CTIF: variants seen among roughly 807,000 people sequenced by gnomAD.
The protein encoded by CTIF is cap binding complex dependent translation initiation factor.
In CTIF, 21 loss-of-function variants were observed where a neutral mutation model predicts 66.0. That is an observed-to-expected ratio of 0.32 (90% confidence interval 0.23 to 0.46). The LOEUF (loss-of-function observed/expected upper bound fraction) is 0.46, where lower values mean the gene tolerates loss of function less well. CTIF is among the 20% of genes least tolerant of loss of function. CTIF has a pLI of 1.00. For synonymous variants in CTIF, 345 were observed against 326.4 expected (o/e 1.06, Z -0.62); for missense variants, 739 against 812.7 (o/e 0.91, Z 1.10).
At chr18:48,720,755 C>T (rs1256150471) in intron 7 of CTIF, among the ~76,000 whole-genome samples, 1 of 152,204 alleles carries the variant, frequency 6.6e-6, no homozygotes, top group Non-Finnish European at 1.5e-5. Context: ...AAGCCCCACG[C>T]TTTGTACAAA....
chr18:48,619,404 C>T, intron 1 of CTIF, 134 bp from the exon 2 acceptor site: 1 of 573,608 alleles, frequency 1.7e-6, no homozygotes, highest in Non-Finnish European at 2.8e-6. Context: ...GCTGACTTCT[C>T]AGGGTTGTTG....
At chr18:48,663,322 G>T (rs1323459757) in intron 3 of CTIF, among the ~76,000 whole-genome samples, 1 of 152,138 alleles carries the variant, frequency 6.6e-6, no homozygotes, top group Non-Finnish European at 1.5e-5. Context: ...CTTGGTCGGT[G>T]GGGGCTTCTG....
rs1375989802 is a variant in CTIF at position 48,539,308 on chromosome 18, CCGAGGTGAGCATCTCCT to C, written c.-30_-29+15del. 1.3e-5 allele frequency: 2 copies of C among 152,142 alleles called. No homozygotes were observed. Among genetic ancestry groups the C allele is most frequent in the Non-Finnish European group, 2.9e-5 (2 of 68,060 alleles). The allele number at this position is 152,142 out of a possible 1,614,324, so 9.4% of individuals were successfully genotyped here. A position where few individuals can be genotyped will look rare whatever the true frequency, so the allele number is the denominator to read the frequency against. On this transcript the variant is annotated splice_donor_variant and splice_donor_5th_base_variant and 5_prime_UTR_variant and intron_variant, in exon 1 of 12. Transcript: ENST00000256413. LOFTEE classifies it low-confidence loss of function (5UTR_SPLICE). Reference sequence around the variant, plus strand: ...GCTTGGCGCGGCGGCCAGAGGAACCCCGAGGTGAGCATCTCCTCGCCCGTCCTCCTCTTATAGTCATC... The same window carrying C: ...GCTTGGCGCGGCGGCCAGAGGAACCCCGCCCGTCCTCCTCTTATAGTCATC...
rs76907138 is a variant in CTIF at position 48,730,444 on chromosome 18, T to C, written c.584+18749T>C. Among the ~76,000 whole-genome samples, 571 of 70,492 alleles carry C rather than the reference T, an allele frequency of 8.1e-3. 27 individuals carry two copies. The highest frequency in any genetic ancestry group is 0.026 in the South Asian group (39 of 1,516). The allele number at this position is 70,492 out of a possible 152,430, so 46.2% of individuals were successfully genotyped here. On this transcript the variant is annotated intron_variant, in intron 7 of 11. Coordinates refer to ENST00000256413, the MANE Select transcript of CTIF (RefSeq NM_014772.3). ...GCCCCTGCGCTGTGAGGGGCCCCTG[T>C]GGTGTGAGGGGCTTCCGCGGTGTGA...
chr18:48,817,338 C>T lies in CTIF; in HGVS notation c.1489C>T (p.Arg497Cys), dbSNP rs566524428. 12 of 1,613,018 alleles carry T rather than the reference C, an allele frequency of 7.4e-6. No homozygotes were observed. The highest frequency in any genetic ancestry group is 1.7e-5 in the Admixed American group (1 of 59,986). The change falls in exon 10 of 12, where the codon CGT becomes TGT. Residue 497 changes from arginine (R) to cysteine (C), a missense_variant. Transcript: ENST00000256413. ...TMRSSTGEPFRVLVCPIYTCL... is the reference protein window; with the variant it reads ...TMRSSTGEPFCVLVCPIYTCL... ...GCGCAGCAGCACAGGCGAGCCCTTCCGTGTGCTCGTGTGCCCCATCTACAC... is the reference window on the plus strand; with the variant it reads ...GCGCAGCAGCACAGGCGAGCCCTTCTGTGTGCTCGTGTGCCCCATCTACAC...
At chr18:48,705,240 G>A (rs2145425660) in intron 6 of CTIF, among the ~76,000 whole-genome samples, 2 of 152,292 alleles carry the variant, frequency 1.3e-5, no homozygotes, top group East Asian at 1.9e-4. Flanking sequence ...AGGCTCTAGG[G>A]GAGGAGCCTT....
At chr18:48,712,545 A>T (rs1361081482) in intron 7 of CTIF, among the ~76,000 whole-genome samples, 1 of 152,268 alleles carries the variant, frequency 6.6e-6, no homozygotes, top group Non-Finnish European at 1.5e-5. Flanking sequence ...TACCAAAAAA[A>T]GAACGAACAA....
chr18:48,738,381 A>G (rs1257468738), intron 7 of CTIF, among the ~76,000 whole-genome samples: 2 of 152,180 alleles, frequency 1.3e-5, no homozygotes, highest in Non-Finnish European at 2.9e-5. Context: ...GATAAGGGCC[A>G]AAGTCCTTTC....
At chr18:48,807,357 C>T (rs1266581423) in intron 9 of CTIF, among the ~76,000 whole-genome samples, 3 of 152,098 alleles carry the variant, frequency 2.0e-5, no homozygotes, top group Admixed American at 2.0e-4. Context: ...CACAGAGAAT[C>T]AGAAATTCAG....
intron 6 of CTIF, among the ~76,000 whole-genome samples, chr18:48,684,127 A>G (rs1054417359): frequency 3.3e-5 from 5 of 152,200 alleles, no homozygotes; most frequent in African/African-American, 1.2e-4. Flanking sequence ...TAGATCATTC[A>G]TCTCCAACGT....
chr18:48,647,053 A>G (rs2091052545), intron 3 of CTIF, among the ~76,000 whole-genome samples: 1 of 152,230 alleles, frequency 6.6e-6, no homozygotes, highest in Non-Finnish European at 1.5e-5. Flanking sequence ...TGTTCACAAT[A>G]CACAGAAACC....
intron 3 of CTIF, among the ~76,000 whole-genome samples, chr18:48,638,441 C>T (rs2090864291): frequency 6.6e-6 from 1 of 152,182 alleles, no homozygotes; most frequent in Non-Finnish European, 1.5e-5. Flanking sequence ...CCCTTCTCCA[C>T]ATCACTCCTG....
intron 1 of CTIF, among the ~76,000 whole-genome samples, chr18:48,563,877 G>T (rs1268619852): frequency 6.6e-6 from 1 of 152,194 alleles, no homozygotes; most frequent in Non-Finnish European, 1.5e-5. Flanking sequence ...CTTCCCAGGT[G>T]CTTCCCTCTT....
intron 9 of CTIF, among the ~76,000 whole-genome samples, chr18:48,814,790 C>T (rs1347563278): frequency 6.6e-6 from 1 of 152,208 alleles, no homozygotes; most frequent in African/African-American, 2.4e-5. Context: ...AGAGACAAAG[C>T]TGTCAAAGAT....
intron 3 of CTIF, among the ~76,000 whole-genome samples, chr18:48,639,294 C>G (rs554747136): frequency 4.4e-4 from 67 of 152,290 alleles, no homozygotes; most frequent in African/African-American, 1.5e-3. Flanking sequence ...GTTTGTCAAC[C>G]AGGAGTGTTT....
At chr18:48,808,046 A>C (rs1041292567) in intron 9 of CTIF, among the ~76,000 whole-genome samples, 3 of 152,210 alleles carry the variant, frequency 2.0e-5, no homozygotes, top group Non-Finnish European at 4.4e-5. Context: ...TACCAGAGCA[A>C]ACAATAAGAA....
intron 9 of CTIF, 130 bp from the exon 10 acceptor site, chr18:48,817,091 T>C: frequency 1.1e-6 from 1 of 884,808 alleles, no homozygotes; most frequent in Non-Finnish European, 1.7e-6. Context: ...ACCCCCATCC[T>C]CATTTAAAAC....
chr18:48,574,399 G>A (rs2089485067), intron 1 of CTIF, among the ~76,000 whole-genome samples: 1 of 152,124 alleles, frequency 6.6e-6, no homozygotes, highest in Non-Finnish European at 1.5e-5. Context: ...GCATAATATT[G>A]CATTAAAAAA....
chr18:48,694,869 A>T (rs2091982939), intron 6 of CTIF, among the ~76,000 whole-genome samples: 1 of 152,268 alleles, frequency 6.6e-6, no homozygotes, highest in South Asian at 2.1e-4. Flanking sequence ...ATTTCCTAGT[A>T]TGCTTAAAAT....
Sources: allele counts gnomAD v4.1 joint callset (sites outside exome capture counted in the v4.1 genomes callset), GRCh38; gene constraint gnomAD v4.1.1; transcripts MANE v1.5; gene names NCBI Gene and HGNC (gene_info 2026-07-23, HGNC 2026-07-21).